The following SERGEF variants were observed in gnomAD, a reference collection of about 807,000 sequenced individuals.
SERGEF encodes the protein secretion regulating guanine nucleotide exchange factor, also known as secretion-regulating guanine nucleotide exchange factor.
In SERGEF, 51 loss-of-function variants were observed where a neutral mutation model predicts 50.0. That is an observed-to-expected ratio of 1.02 (90% CI 0.81 to 1.29). The LOEUF (loss-of-function observed/expected upper bound fraction) is 1.29. Among genes scored for constraint, SERGEF ranks in the 50% most tolerant of loss-of-function variants. SERGEF has a pLI of 0.00. For missense variants in SERGEF, 521 were observed against 557.0 expected, an observed-to-expected ratio of 0.94 and a Z score of 0.65; for synonymous variants, 205 against 212.4, an observed-to-expected ratio of 0.97 and a Z score of 0.30.
chr11:17,899,092 C>A (rs1851698474), intron 9 of SERGEF, among the ~76,000 whole-genome samples: 2 of 152,178 alleles, frequency 1.3e-5, no homozygotes, highest in Non-Finnish European at 2.9e-5. Flanking sequence ...TTTCCTCAGG[C>A]CTTCCCAGAA....
intron 9 of SERGEF, among the ~76,000 whole-genome samples, chr11:17,947,374 G>A (rs923476739): frequency 1.2e-4 from 18 of 152,274 alleles, no homozygotes; most frequent in South Asian, 4.1e-4. Flanking sequence ...CATACTTCCC[G>A]CCACTGTAAA....
At chr11:17,907,474 C>T (rs951124787) in intron 9 of SERGEF, among the ~76,000 whole-genome samples, 4 of 152,228 alleles carry the variant, frequency 2.6e-5, no homozygotes, top group Admixed American at 2.6e-4. Context: ...TTTCTCTTCT[C>T]ACAATGAGAA....
At chr11:17,988,317 T>C (rs1853641049) in intron 8 of SERGEF, among the ~76,000 whole-genome samples, 1 of 152,230 alleles carries the variant, frequency 6.6e-6, no homozygotes, top group African/African-American at 2.4e-5. Context: ...GACAAATTTC[T>C]GGATGACGCT....
chr11:17,826,825 G>A lies in SERGEF; in HGVS notation c.1049-38412C>T, dbSNP rs566555385. On this transcript the variant is annotated intron_variant, in intron 10 of 10. Coordinates refer to ENST00000265965, the MANE Select transcript of SERGEF (RefSeq NM_012139.4). Reference sequence around the variant, plus strand: ...GTGTTCTGAAGGAAAAAGTTTGAAAGCTCTGGTTTACAGGACAATGGTACT... The same window carrying A: ...GTGTTCTGAAGGAAAAAGTTTGAAAACTCTGGTTTACAGGACAATGGTACT... 7.9e-5 allele frequency among the ~76,000 whole-genome samples: 12 copies of A among 152,286 alleles called. 1 individual carries two copies. The highest frequency in any genetic ancestry group is 1.3e-4 in the Non-Finnish European group (9 of 68,030).
At chr11:17,948,175 C>G in intron 9 of SERGEF, among the ~76,000 whole-genome samples, 1 of 152,080 alleles carries the variant, frequency 6.6e-6, no homozygotes, top group Non-Finnish European at 1.5e-5. Flanking sequence ...CTCAGCCTCC[C>G]AAAGTGCTAC....
intron 9 of SERGEF, among the ~76,000 whole-genome samples, chr11:17,907,556 CT>C (rs1348612340): frequency 6.6e-6 from 1 of 152,232 alleles, no homozygotes; most frequent in Non-Finnish European, 1.5e-5. Flanking sequence ...CTTGCCTCCT[CT>C]TTCTTTTGAG....
intron 10 of SERGEF, among the ~76,000 whole-genome samples, chr11:17,800,826 C>T (rs1003100556): frequency 7.2e-5 from 11 of 152,064 alleles, no homozygotes; most frequent in African/African-American, 2.7e-4. Flanking sequence ...AGGCATTTTG[C>T]CAGTTCCAGA....
intron 8 of SERGEF, among the ~76,000 whole-genome samples, chr11:17,983,896 G>A (rs1853543521): frequency 6.6e-6 from 1 of 151,862 alleles, no homozygotes; most frequent in Non-Finnish European, 1.5e-5. Context: ...CCAAATAGAG[G>A]GAATATCAGG....
intron 10 of SERGEF, among the ~76,000 whole-genome samples, chr11:17,862,574 T>A (rs1454510342): frequency 6.6e-6 from 1 of 152,208 alleles, no homozygotes; most frequent in East Asian, 1.9e-4. Context: ...TCATAGCTGT[T>A]CTACATTTAA....
chr11:17,838,376 TAG>T (rs1440384830), intron 10 of SERGEF, among the ~76,000 whole-genome samples: 1 of 152,140 alleles, frequency 6.6e-6, no homozygotes, highest in African/African-American at 2.4e-5. Flanking sequence ...AAGAGTGTGA[TAG>T]AGAGAGCTAT....
At chr11:17,812,517 A>T (rs1849894494) in intron 10 of SERGEF, among the ~76,000 whole-genome samples, 1 of 152,252 alleles carries the variant, frequency 6.6e-6, no homozygotes, top group South Asian at 2.1e-4. Flanking sequence ...GGCTTCATGT[A>T]GAATGGCAGT....
intron 9 of SERGEF, among the ~76,000 whole-genome samples, chr11:17,928,363 C>T (rs546767361): frequency 2.6e-5 from 4 of 152,234 alleles, no homozygotes; most frequent in Non-Finnish European, 5.9e-5. Flanking sequence ...TCTGGGGTCA[C>T]AGACCCACAG....
chr11:17,955,589 T>A lies in SERGEF; in HGVS notation c.1011+3881A>T, dbSNP rs957065090. Among the ~76,000 whole-genome samples, 7 of 152,132 alleles carry A rather than the reference T, an allele frequency of 4.6e-5. No individual in the cohort carries two copies. In the South Asian group the frequency reaches 6.2e-4, roughly 14 times the overall value. ...GTCCTAGGCAATAAGGGCACAGCCA[T>A]AGGGATGACAGTCAAAGCTGAACTG... On this transcript the variant is annotated intron_variant, in intron 9 of 10. Coordinates refer to ENST00000265965, the MANE Select transcript of SERGEF (RefSeq NM_012139.4).
rs1244091969 is a variant in SERGEF, at chr11:18,008,090, A to C, written c.61-14T>G. ...GCTATTTGCACCCTAGGGATGAATA[A>C]GCCAAGGATGAAAAAGTGTGGGAAC... is the stretch of plus-strand genomic sequence containing the variant. On this transcript the variant is annotated splice_polypyrimidine_tract_variant and intron_variant, in intron 1 of 10. Transcript: ENST00000265965. 2 of 1,608,670 alleles carry C rather than the reference A, an allele frequency of 1.2e-6. No individual in the cohort carries two copies. The highest frequency in any genetic ancestry group is 2.2e-5 in the East Asian group (1 of 44,794).
At chr11:17,815,485 C>A (rs1295718300) in intron 10 of SERGEF, among the ~76,000 whole-genome samples, 1 of 148,436 alleles carries the variant, frequency 6.7e-6, no homozygotes, top group Admixed American at 6.7e-5. Context: ...CGTGGTGGCA[C>A]ATGCCTGTAG....
intron 8 of SERGEF, among the ~76,000 whole-genome samples, chr11:17,979,615 A>G (rs1457464727): frequency 6.6e-6 from 1 of 152,190 alleles, no homozygotes; most frequent in African/African-American, 2.4e-5. Context: ...GAATGCAAGT[A>G]TACAAGTAGA....
At chr11:17,849,584 C>T (rs1481961044) in intron 10 of SERGEF, among the ~76,000 whole-genome samples, 1 of 151,384 alleles carries the variant, frequency 6.6e-6, no homozygotes, top group African/African-American at 2.4e-5. Context: ...CAGTAGTAGA[C>T]ATCTTGGTAG....
intron 10 of SERGEF, among the ~76,000 whole-genome samples, chr11:17,825,776 AT>A (rs1850181398): frequency 6.6e-6 from 1 of 152,214 alleles, no homozygotes; most frequent in Non-Finnish European, 1.5e-5. Flanking sequence ...TAGGTGTATG[AT>A]TTTAAGAATA....
intron 9 of SERGEF, among the ~76,000 whole-genome samples, chr11:17,892,620 A>G (rs1026810475): frequency 1.3e-5 from 2 of 152,252 alleles, no homozygotes; most frequent in African/African-American, 4.8e-5. Context: ...ACGTAACATT[A>G]CTGTGGCGAT....
Sources: gnomAD v4.1 joint callset for allele counts (sites outside exome capture counted in the v4.1 genomes callset) on GRCh38, gnomAD v4.1.1 for gene constraint, MANE v1.5 for transcripts, NCBI Gene and HGNC (gene_info 2026-07-23, HGNC 2026-07-21) for gene names.